The following MSS51 variants were observed in gnomAD, a reference collection of about 807,000 sequenced individuals.
The protein encoded by MSS51 is MSS51 mitochondrial translational activator.
A neutral mutation model predicts 40.2 loss-of-function variants in MSS51; 32 were observed. The observed-to-expected ratio is 0.80, with a 90% CI of 0.60 to 1.07. The LOEUF is 1.07. MSS51 is among the 50% of genes least tolerant of loss of function. MSS51 has a pLI of 0.00. For missense variants in MSS51, 518 were observed against 568.9 expected (o/e 0.91, Z 0.91); for synonymous variants, 178 against 214.2 (o/e 0.83, Z 1.48).
intron 5 of MSS51, 93 bp from the exon 6 acceptor site, chr10:73,425,284 CCTTG>C: frequency 1.4e-6 from 1 of 722,802 alleles, no homozygotes; most frequent in Non-Finnish European, 2.3e-6. Context: ...CCACCCCTCA[CCTTG>C]CTTATCCCCA....
chr10:73,426,790 G>A, intron 3 of MSS51, 59 bp from the exon 4 acceptor site: 2 of 1,579,654 alleles, frequency 1.3e-6, no homozygotes, highest in East Asian at 4.5e-5. Flanking sequence ...GTTATCGGAG[G>A]AAAGGAACTG....
At chr10:73,428,881 G>C (rs2056008814) in intron 1 of MSS51, among the ~76,000 whole-genome samples, 1 of 151,764 alleles carries the variant, frequency 6.6e-6, no homozygotes, top group Admixed American at 6.6e-5. Flanking sequence ...ATAAGTAAAT[G>C]CATCAAAAAA....
chr10:73,432,961 C>T (rs2056039656), intron 1 of MSS51, among the ~76,000 whole-genome samples: 1 of 152,142 alleles, frequency 6.6e-6, no homozygotes, highest in Non-Finnish European at 1.5e-5. Flanking sequence ...GCTCTTTGAA[C>T]TTTCCAGAGT....
At chr10:73,425,635 C>T (rs1225170406) in intron 5 of MSS51, among the ~76,000 whole-genome samples, 176 bp downstream of exon 5, 1 of 146,098 alleles carries the variant, frequency 6.8e-6, no homozygotes, top group African/African-American at 2.6e-5. Flanking sequence ...GCACTCCAGC[C>T]TGGGCGACAG....
chr10:73,428,588 C>T (rs1213643539), intron 1 of MSS51, among the ~76,000 whole-genome samples: 8 of 152,002 alleles, frequency 5.3e-5, no homozygotes, highest in Non-Finnish European at 8.8e-5. Flanking sequence ...TAGGTTCAAG[C>T]GATTCTCCTG....
At position 73,426,468 on chromosome 10, in the gene MSS51, C is replaced by T. The variant is rs1418645529; in HGVS notation, c.503-91G>A. ...ATGATCAATATTCCCTCCATGTTCA[C>T]TCTGCCAACCTGTGAGCAGGCGTGC... On this transcript the variant is annotated intron_variant, in intron 4 of 6. Transcript: ENST00000299432. 10 of 1,573,576 alleles carry T rather than the reference C, an allele frequency of 6.4e-6. No individual in the cohort carries two copies. The South Asian group carries it at 8.3e-5, about 13-fold the overall frequency.
At chr10:73,429,977 A>T (rs1157431192) in intron 1 of MSS51, among the ~76,000 whole-genome samples, 2 of 152,188 alleles carry the variant, frequency 1.3e-5, no homozygotes, top group Admixed American at 6.6e-5. Flanking sequence ...TGGCAGTTGG[A>T]ATAGACCTTG....
intron 1 of MSS51, among the ~76,000 whole-genome samples, chr10:73,431,746 C>G (rs1260727175): frequency 6.6e-6 from 1 of 152,080 alleles, no homozygotes; most frequent in African/African-American, 2.4e-5. Context: ...GGTTTCAGTC[C>G]ACAGAACAGA....
intron 6 of MSS51, 111 bp downstream of exon 6, chr10:73,424,987 A>G (rs1170054985): frequency 2.2e-6 from 2 of 903,744 alleles, no homozygotes; most frequent in Non-Finnish European, 3.6e-6. Context: ...TATGCGGAAA[A>G]GAACATCCTC....
At chr10:73,426,567 A>G in intron 4 of MSS51, 40 bp downstream of exon 4, 1 of 1,612,668 alleles carries the variant, frequency 6.2e-7, no homozygotes, top group Non-Finnish European at 8.5e-7. Context: ...GCAATCAACT[A>G]TGACCATTAT....
intron 1 of MSS51, 147 bp from the exon 2 acceptor site, chr10:73,428,448 T>C (rs2056006165): frequency 9.5e-6 from 6 of 633,184 alleles, no homozygotes; most frequent in African/African-American, 3.7e-5. Context: ...TTACTGGTTA[T>C]TGATCACCAT....
Position 73,428,164 on chromosome 10 carries a change from T to C in MSS51, c.121A>G (p.Ser41Gly), listed in dbSNP as rs1466437609. Reference protein sequence around the residue: ...VPLTPSKPGPSIDTLGFFSLD... With the variant: ...VPLTPSKPGPGIDTLGFFSLD... ...GAGAAGAAGCCAAGTGTGTCAATGC[T>C]AGGGCCAGGTTTTGAGGGGGTCAGA... The change falls in exon 2 of 7, where the codon AGC becomes GGC. Residue 41 changes from serine to glycine, a missense_variant. Coordinates refer to ENST00000299432, the MANE Select transcript of MSS51 (RefSeq NM_001024593.2). 2 of 1,614,070 alleles carry C rather than the reference T, an allele frequency of 1.2e-6. No homozygotes were observed. The highest frequency in any genetic ancestry group is 1.1e-5 in the South Asian group (1 of 91,084).
At position 73,425,844 on chromosome 10, in the gene MSS51, G is replaced by A; in HGVS notation, c.1036C>T (p.His346Tyr). 2 of 1,614,000 alleles carry A rather than the reference G, an allele frequency of 1.2e-6. No homozygotes were observed. Among genetic ancestry groups the A allele is most frequent in the South Asian group, 2.2e-5 (2 of 91,066 alleles). Residue 346 changes from histidine to tyrosine, a missense_variant, in exon 5 of 7, where the codon CAC becomes TAC. His to Tyr is a moderately conservative substitution (Grantham distance 83, BLOSUM62 2). Coordinates refer to ENST00000299432, the MANE Select transcript of MSS51 (RefSeq NM_001024593.2). ...WEEQVETGQT[H>Y]HPDLVAAFHP... ...AATGCCGCCACCAAATCTGGATGGT[G>A]TGTCTGCCCGGTCTCTACTTGCTCC...
rs183314848 is a variant in MSS51, at chr10:73,424,559, C to T, written c.1377G>A (p.Gly459=). 8.7e-6 allele frequency: 14 copies of T among 1,612,582 alleles called. No individual in the cohort carries two copies. The African/African-American group carries it at 1.7e-4, about 20-fold the overall frequency. ...ATGTCCAGTTATGATCTATTTAAATCCCGCCGTCCACTTTCTCTTCTAATT... is the reference window on the plus strand; with the variant it reads ...ATGTCCAGTTATGATCTATTTAAATTCCGCCGTCCACTTTCTCTTCTAATT... ...NRQLEEKVDG[G]I Residue 459 remains glycine, a synonymous_variant, in exon 7 of 7, where the codon GGG becomes GGA. Coordinates refer to ENST00000299432, the MANE Select transcript of MSS51 (RefSeq NM_001024593.2).
In MSS51 at chr10:73,426,215, C is replaced by T. The variant is rs375153020; in HGVS notation, c.665G>A (p.Arg222Lys). 35 of 1,614,148 alleles carry T rather than the reference C, an allele frequency of 2.2e-5. No individual in the cohort carries two copies. In the African/African-American group the frequency reaches 4.5e-4, roughly 21 times the overall value. Residue 222 changes from arginine to lysine, a missense_variant, in exon 5 of 7, where the codon AGG becomes AAG. Physicochemically the swap from Arg to Lys is conservative, Grantham distance 26. Coordinates refer to ENST00000299432, the MANE Select transcript of MSS51 (RefSeq NM_001024593.2). ...TCCCTGCAGGACATCCGGGTCTGGC[C>T]TTGGCCGTCCTACACTGGCCCATAA... ...TTLWASVGRP[R>K]PDPDVLQGSL...
At chr10:73,428,489 TTTG>T (rs775948101) in intron 1 of MSS51, among the ~76,000 whole-genome samples, 188 bp from the exon 2 acceptor site, 31 of 151,956 alleles carry the variant, frequency 2.0e-4, no homozygotes, top group Non-Finnish European at 3.8e-4. Flanking sequence ...GAAGAAGTAA[TTTG>T]TTGTTGTTGT....
Position 73,424,717 on chromosome 10 carries a change from T to TG in MSS51, c.1218dup (p.Thr407HisfsTer6). 2 of 1,614,150 alleles carry TG rather than the reference T, an allele frequency of 1.2e-6. No homozygotes were observed. Among genetic ancestry groups the TG allele is most frequent in the Non-Finnish European group, 1.7e-6 (2 of 1,180,014 alleles). On this transcript the variant is annotated frameshift_variant, in exon 7 of 7. Coordinates refer to ENST00000299432, the MANE Select transcript of MSS51 (RefSeq NM_001024593.2). LOFTEE classifies it high-confidence loss of function. The stretch of plus-strand genomic sequence containing the variant: ...ATGAAAGGATTAGACCCAAAGGCAG[T>TG]GATGTGTGTATCCAGTTCCACCAGA...
chr10:73,430,905 G>C (rs1241389972), intron 1 of MSS51, among the ~76,000 whole-genome samples: 1 of 151,952 alleles, frequency 6.6e-6, no homozygotes, highest in East Asian at 1.9e-4. Context: ...AACAAATTGG[G>C]ATATAAATAT....
intron 1 of MSS51, among the ~76,000 whole-genome samples, chr10:73,430,833 C>T (rs1203454314): frequency 6.6e-6 from 1 of 152,130 alleles, no homozygotes. Flanking sequence ...TTCATAGCAG[C>T]ACTATTCGCA....
Sources: gnomAD v4.1 joint callset for allele counts (sites outside exome capture counted in the v4.1 genomes callset) on GRCh38, gnomAD v4.1.1 for gene constraint, MANE v1.5 for transcripts, NCBI Gene and HGNC (gene_info 2026-07-23, HGNC 2026-07-21) for gene names.